SCFD2: variants seen among roughly 807,000 people sequenced by gnomAD.
The protein encoded by SCFD2 is sec1 family domain containing 2.
In SCFD2, 54 loss-of-function variants were observed where a neutral mutation model predicts 58.9. The observed-to-expected ratio is 0.92, with a 90% confidence interval of 0.74 to 1.15. The LOEUF is 1.15. Among genes scored for constraint, SCFD2 ranks in the 50% most tolerant of loss-of-function variants. SCFD2 has a pLI of 0.00. For synonymous variants in SCFD2, 321 were observed against 335.9 expected, an observed-to-expected ratio of 0.96 and a Z score of 0.49; for missense variants, 805 against 836.6, an observed-to-expected ratio of 0.96 and a Z score of 0.47.
rs374949757 is a variant in SCFD2 at position 52,999,840 on chromosome 4, G to A, written c.1562-78970C>T. On this transcript the variant is annotated intron_variant, in intron 5 of 8. Coordinates refer to ENST00000401642, the MANE Select transcript of SCFD2 (RefSeq NM_152540.4). ...GGCCACTGTGAGAGTCTAAAGAGGT[G>A]TCAGAGACGACTTCCTTGTTGTCCT... Among the ~76,000 whole-genome samples the A allele has an allele frequency of 3.2e-4, 48 of 152,316 alleles. No individual in the cohort carries two copies. The South Asian group carries it at 8.9e-3, about 28-fold the overall frequency.
At chr4:53,329,050 G>A (rs1386387519) in intron 2 of SCFD2, among the ~76,000 whole-genome samples, 1 of 152,210 alleles carries the variant, frequency 6.6e-6, no homozygotes, top group Non-Finnish European at 1.5e-5. Context: ...GTTAAAAAAC[G>A]GCACACCACG....
At chr4:53,210,088 A>G (rs1203619822) in intron 4 of SCFD2, among the ~76,000 whole-genome samples, 1 of 152,126 alleles carries the variant, frequency 6.6e-6, no homozygotes, top group Admixed American at 6.5e-5. Flanking sequence ...CTCATTCTCA[A>G]TGAATCCTTT....
chr4:53,221,129 A>T (rs1292507193), intron 4 of SCFD2, among the ~76,000 whole-genome samples: 3 of 152,204 alleles, frequency 2.0e-5, no homozygotes, highest in Admixed American at 6.5e-5. Context: ...CAGTATATAC[A>T]TTATCACTAA....
At chr4:53,318,104 T>C (rs1363668361) in intron 2 of SCFD2, among the ~76,000 whole-genome samples, 2 of 152,194 alleles carry the variant, frequency 1.3e-5, no homozygotes, top group Non-Finnish European at 2.9e-5. Flanking sequence ...GTAGAATTCA[T>C]ACACACTGAA....
intron 5 of SCFD2, among the ~76,000 whole-genome samples, chr4:53,018,210 G>C (rs188357898): frequency 6.6e-6 from 1 of 152,258 alleles, no homozygotes; most frequent in East Asian, 1.9e-4. Flanking sequence ...ATTGATTTCT[G>C]TGACATTGTT....
At chr4:53,228,619 C>A (rs1230290128) in intron 4 of SCFD2, among the ~76,000 whole-genome samples, 2 of 152,064 alleles carry the variant, frequency 1.3e-5, no homozygotes, top group Non-Finnish European at 2.9e-5. Flanking sequence ...TGGGACGTAT[C>A]TCAAAATAAT....
chr4:52,969,445 A>G (rs1474089813), intron 5 of SCFD2, among the ~76,000 whole-genome samples: 1 of 152,230 alleles, frequency 6.6e-6, no homozygotes, highest in African/African-American at 2.4e-5. Flanking sequence ...GAATATACTT[A>G]TGGAACTCAT....
chr4:53,323,639 C>T (rs1439938992), intron 2 of SCFD2, among the ~76,000 whole-genome samples: 2 of 151,264 alleles, frequency 1.3e-5, no homozygotes, highest in Non-Finnish European at 2.9e-5. Context: ...CTCAGCCTCC[C>T]GAAATACTGG....
intron 5 of SCFD2, among the ~76,000 whole-genome samples, chr4:53,103,806 A>T (rs1577729729): frequency 8.0e-6 from 1 of 124,304 alleles, no homozygotes; most frequent in South Asian, 2.8e-4. Context: ...GGGGTAGGGG[A>T]TGGGAGAAAA....
At chr4:53,119,578 G>C (rs1725423297) in intron 5 of SCFD2, among the ~76,000 whole-genome samples, 1 of 152,186 alleles carries the variant, frequency 6.6e-6, no homozygotes, top group African/African-American at 2.4e-5. Flanking sequence ...TAAAACTCCT[G>C]TGGTTTGATG....
At chr4:53,172,093 A>G (rs1015663653) in intron 4 of SCFD2, among the ~76,000 whole-genome samples, 2 of 151,596 alleles carry the variant, frequency 1.3e-5, no homozygotes, top group African/African-American at 2.4e-5. Context: ...TGCAACCTTC[A>G]TCTCCTGGGT....
At chr4:53,097,991 T>C (rs1724709972) in intron 5 of SCFD2, among the ~76,000 whole-genome samples, 1 of 152,234 alleles carries the variant, frequency 6.6e-6, no homozygotes, top group African/African-American at 2.4e-5. Context: ...CTTTTGTCTT[T>C]GGTTCTGTTT....
chr4:53,014,672 G>A (rs775992770), intron 5 of SCFD2, among the ~76,000 whole-genome samples: 2 of 152,182 alleles, frequency 1.3e-5, no homozygotes, highest in African/African-American at 4.8e-5. Context: ...GGGCTCCCCC[G>A]TGAGCTCCAG....
At chr4:53,050,685 T>C (rs1723165323) in intron 5 of SCFD2, among the ~76,000 whole-genome samples, 1 of 152,224 alleles carries the variant, frequency 6.6e-6, no homozygotes, top group African/African-American at 2.4e-5. Flanking sequence ...AACACAGATA[T>C]GATCAAGTTA....
intron 5 of SCFD2, among the ~76,000 whole-genome samples, chr4:52,960,241 G>A (rs1720813425): frequency 6.6e-6 from 1 of 152,136 alleles, no homozygotes; most frequent in Non-Finnish European, 1.5e-5. Context: ...AGGTAAGGAT[G>A]CAAAACCTCC....
At chr4:53,227,357 T>C (rs1299190386) in intron 4 of SCFD2, among the ~76,000 whole-genome samples, 1 of 152,144 alleles carries the variant, frequency 6.6e-6, no homozygotes, top group East Asian at 1.9e-4. Context: ...AACAGTGAAA[T>C]TCTCCTGTGT....
At chr4:53,169,513 A>G (rs1451637178) in intron 4 of SCFD2, among the ~76,000 whole-genome samples, 1 of 152,116 alleles carries the variant, frequency 6.6e-6, no homozygotes, top group Non-Finnish European at 1.5e-5. Flanking sequence ...TGAACATGAG[A>G]GTGCAGATAT....
chr4:53,139,967 C>T (rs878988679), intron 5 of SCFD2, among the ~76,000 whole-genome samples: 4 of 151,886 alleles, frequency 2.6e-5, no homozygotes, highest in Non-Finnish European at 5.9e-5. Context: ...GGATTAAGGG[C>T]GGTGCAAGAT....
intron 3 of SCFD2, among the ~76,000 whole-genome samples, chr4:53,295,515 T>C (rs1731996372): frequency 6.6e-6 from 1 of 152,216 alleles, no homozygotes; most frequent in Non-Finnish European, 1.5e-5. Flanking sequence ...TGAAGTTGCT[T>C]ATCTGCTTAA....
Sources: allele counts gnomAD v4.1 joint callset (sites outside exome capture counted in the v4.1 genomes callset), GRCh38; gene constraint gnomAD v4.1.1; transcripts MANE v1.5; gene names NCBI Gene and HGNC (gene_info 2026-07-23, HGNC 2026-07-21).